Variants in TEX14 observed in about 807,000 individuals in gnomAD.
TEX14 encodes testis expressed 14, intercellular bridge forming factor, also known as inactive serine/threonine-protein kinase TEX14.
A neutral mutation model predicts 178.6 loss-of-function variants in TEX14; 168 were observed. The observed-to-expected ratio is 0.94, with a 90% confidence interval of 0.83 to 1.07. TEX14 has a LOEUF of 1.07. Among genes scored for constraint, TEX14 ranks in the 50% least tolerant of loss-of-function variants. TEX14 has a pLI of 0.00. For missense variants in TEX14, 1,730 were observed against 1,753.6 expected, an observed-to-expected ratio of 0.99 and a Z score of 0.24; for synonymous variants, 626 against 634.1, an observed-to-expected ratio of 0.99 and a Z score of 0.19.
chr17:58,679,003 C>T (rs1370327646), intron 1 of TEX14, among the ~76,000 whole-genome samples: 1 of 151,500 alleles, frequency 6.6e-6, no homozygotes, highest in Non-Finnish European at 1.5e-5. Context: ...AAAATACAAA[C>T]ATTAGCAAGG....
chr17:58,601,066 T>C (rs576539520), intron 13 of TEX14, among the ~76,000 whole-genome samples: 19 of 151,642 alleles, frequency 1.3e-4, no homozygotes, highest in Middle Eastern at 3.4e-3. Context: ...CTGAGCAACA[T>C]AATGAGACCT....
chr17:58,589,429 G>A (rs540119360), intron 15 of TEX14, among the ~76,000 whole-genome samples: 2 of 150,838 alleles, frequency 1.3e-5, no homozygotes, highest in East Asian at 3.9e-4. Flanking sequence ...GGGCATGGTG[G>A]CGGGCGCCTG....
rs924632883 is a variant in TEX14, at chr17:58,622,991, G to A, written c.273C>T (p.Thr91=). Residue 91 remains threonine, a synonymous_variant, in exon 4 of 32, where the codon ACC becomes ACT. Coordinates refer to ENST00000349033, the MANE Select transcript of TEX14 (RefSeq NM_031272.5). ...DPNHRCFDGS[T]PVHAAAFSGN... is the part of the protein sequence containing the mutation. ...CCGAAAATGCTGCTGCATGGACAGG[G>A]GTGCTCCCATCAAAGCAGCGGCTGG... 1 of 1,600,138 alleles carries A rather than the reference G, an allele frequency of 6.2e-7. No individual in the cohort carries two copies. The highest frequency in any genetic ancestry group is 1.7e-4 in the Middle Eastern group (1 of 5,984).
At chr17:58,631,396 T>C (rs1044912773) in intron 2 of TEX14, among the ~76,000 whole-genome samples, 5 of 152,122 alleles carry the variant, frequency 3.3e-5, no homozygotes, top group Non-Finnish European at 5.9e-5. Context: ...GAGGCTGCAA[T>C]GAGCCGAAAT....
At chr17:58,673,093 G>A (rs1391652709) in intron 1 of TEX14, among the ~76,000 whole-genome samples, 1 of 152,018 alleles carries the variant, frequency 6.6e-6, no homozygotes, top group Non-Finnish European at 1.5e-5. Context: ...GGTTCTCCAT[G>A]ACAGTGGAGC....
chr17:58,556,864 T>TG lies in TEX14; in HGVS notation c.*146dup, dbSNP rs2044145971. The TG allele has an allele frequency of 1.5e-6, 1 of 664,092 alleles. No individual in the cohort carries two copies. Among genetic ancestry groups the TG allele is most frequent in the South Asian group, 1.9e-5 (1 of 53,100 alleles). 41.1% of individuals were successfully genotyped at this position (664,092 alleles called of 1,614,324 possible). On this transcript the variant is annotated 3_prime_UTR_variant, in exon 32 of 32. Transcript: ENST00000349033. The stretch of plus-strand genomic sequence containing the variant: ...GCTGCTAACAGAGAGGGCCAAACGA[T>TG]GATGTCTATTGTGGCAGCTGAACAA...
intron 15 of TEX14, among the ~76,000 whole-genome samples, chr17:58,593,182 G>C (rs1296135816): frequency 6.6e-6 from 1 of 152,234 alleles, no homozygotes; most frequent in African/African-American, 2.4e-5. Flanking sequence ...TCTGGAGTCA[G>C]TGACACTTAC....
Position 58,586,027 on chromosome 17 carries a change from A to T in TEX14, c.2844T>A (p.Pro948=), listed in dbSNP as rs576022136. 126 of 1,614,152 alleles carry T rather than the reference A, an allele frequency of 7.8e-5. No individual in the cohort carries two copies. In the African/African-American group the frequency reaches 1.1e-3, roughly 14 times the overall value. The stretch of plus-strand genomic sequence containing the variant: ...AAGTCAGACTACTCTGAGGATGCCA[A>T]GGAGGTACTGTGAGCTGTCCAGTAG... ...KAATGQLTVP[P]WHPQSSLTLE... The change falls in exon 18 of 32, where the codon CCT becomes CCA. Residue 948 remains proline, a synonymous_variant. Transcript: ENST00000349033.
At chr17:58,661,742 G>C in intron 1 of TEX14, 1 of 563,266 alleles carries the variant, frequency 1.8e-6, no homozygotes, top group Non-Finnish European at 3.1e-6. Flanking sequence ...GGGCGGCATA[G>C]GGGAAGGCAA....
At chr17:58,651,384 C>T (rs1021798190) in intron 2 of TEX14, among the ~76,000 whole-genome samples, 2 of 152,142 alleles carry the variant, frequency 1.3e-5, no homozygotes, top group African/African-American at 4.8e-5. Flanking sequence ...ATTCACATGA[C>T]ATGTTTGTTG....
chr17:58,613,291 T>A (rs555609817), intron 9 of TEX14, 130 bp downstream of exon 9: 4 of 1,180,372 alleles, frequency 3.4e-6, no homozygotes, highest in Admixed American at 2.0e-5. Context: ...ACAGCCCCTA[T>A]AAAGCAAAAG....
At chr17:58,617,460 T>C in intron 6 of TEX14, 78 bp downstream of exon 6, 2 of 1,039,010 alleles carry the variant, frequency 1.9e-6, no homozygotes, top group South Asian at 1.4e-5. Flanking sequence ...AGGCAGGAGT[T>C]GGACAAAGGT....
At chr17:58,650,621 AT>A (rs938784320) in intron 2 of TEX14, among the ~76,000 whole-genome samples, 1 of 151,558 alleles carries the variant, frequency 6.6e-6, no homozygotes, top group Non-Finnish European at 1.5e-5. Flanking sequence ...CCAACTAGTG[AT>A]TTCTTTATTT....
chr17:58,579,743 C>T lies in TEX14; in HGVS notation c.3172-12G>A. 4 of 1,610,900 alleles carry T rather than the reference C, an allele frequency of 2.5e-6. No individual in the cohort carries two copies. The highest frequency in any genetic ancestry group is 3.4e-6 in the Non-Finnish European group (4 of 1,178,082). On this transcript the variant is annotated splice_polypyrimidine_tract_variant and intron_variant, in intron 19 of 31. Coordinates refer to ENST00000349033, the MANE Select transcript of TEX14 (RefSeq NM_031272.5). ...ATGGGACTCGAGGTCTAAAAAAGAA[C>T]AAAAGAAAAGCAAAGAAAGGAGGTT...
chr17:58,674,491 G>A (rs2047358427), intron 1 of TEX14, among the ~76,000 whole-genome samples: 1 of 151,872 alleles, frequency 6.6e-6, no homozygotes, highest in African/African-American at 2.4e-5. Context: ...CCAACGTGGC[G>A]AAACCCCGTC....
At chr17:58,592,496 G>T (rs999773795) in intron 15 of TEX14, among the ~76,000 whole-genome samples, 2 of 151,932 alleles carry the variant, frequency 1.3e-5, no homozygotes, top group South Asian at 4.1e-4. Flanking sequence ...CACCACGCCC[G>T]GCTAATTTTT....
Position 58,586,187 on chromosome 17 carries a change from A to C in TEX14, c.2789-105T>G, listed in dbSNP as rs142460331. On this transcript the variant is annotated intron_variant, in intron 17 of 31. Coordinates refer to ENST00000349033, the MANE Select transcript of TEX14 (RefSeq NM_031272.5). ...ATACTATTATAACTCATAGTGTAAC[A>C]ATTGCCTTTTTACAGTTGCATCATC... 1.6e-4 allele frequency: 212 copies of C among 1,300,270 alleles called. 2 individuals are homozygous for C. The East Asian group carries it at 2.9e-3, about 18-fold the overall frequency. 80.5% of individuals were successfully genotyped at this position (1,300,270 alleles called of 1,614,324 possible).
chr17:58,598,929 G>A lies in TEX14; in HGVS notation c.2416C>T (p.Gln806Ter). The A allele has an allele frequency of 6.2e-7, 1 of 1,614,002 alleles. No homozygotes were observed. Among genetic ancestry groups the A allele is most frequent in the Non-Finnish European group, 8.5e-7 (1 of 1,179,984 alleles). ...IPPVLQLSGG[Q>*]KPDTSGNYPT... The stretch of plus-strand genomic sequence containing the variant: ...TAGTTGCCACTGGTGTCTGGCTTCT[G>A]ACCCCCTGAAAGCTGTAGGACAGGA... Residue 806 changes from glutamine to a stop codon, truncating the protein, a stop_gained, in exon 14 of 32, where the codon CAG (glutamine) becomes TAG (stop). Transcript: ENST00000349033. LOFTEE classifies it high-confidence loss of function.
At chr17:58,621,616 G>A in intron 5 of TEX14, 34 bp downstream of exon 5, 1 of 1,575,296 alleles carries the variant, frequency 6.3e-7, no homozygotes, top group Admixed American at 1.8e-5. Flanking sequence ...CTGGGTGATG[G>A]AGACTATCCC....
Sources: gnomAD v4.1 joint callset for allele counts (sites outside exome capture counted in the v4.1 genomes callset) on GRCh38, gnomAD v4.1.1 for gene constraint, MANE v1.5 for transcripts, NCBI Gene and HGNC (gene_info 2026-07-23, HGNC 2026-07-21) for gene names.